The following GLP2R variants were observed in gnomAD, a reference collection of about 807,000 sequenced individuals.
GLP2R encodes glucagon-like peptide 2 receptor.
Under a neutral mutation model 68.2 loss-of-function variants are expected in GLP2R, and 59 were observed. The observed-to-expected ratio is 0.87, with a 90% CI of 0.70 to 1.07. GLP2R has a LOEUF of 1.07. Ranked by LOEUF, GLP2R falls within the 50% of genes least tolerant of loss-of-function variation. GLP2R has a pLI of 0.00. For missense variants in GLP2R, 548 were observed against 677.4 expected, an observed-to-expected ratio of 0.81 and a Z score of 2.12; for synonymous variants, 270 against 265.4, an observed-to-expected ratio of 1.02 and a Z score of -0.17.
intron 11 of GLP2R, among the ~76,000 whole-genome samples, chr17:9,882,659 C>A (rs1434916193): frequency 1.3e-5 from 2 of 152,184 alleles, no homozygotes; most frequent in Admixed American, 1.3e-4. Context: ...GTATGGAAGT[C>A]TTATGGGCTT....
At chr17:9,856,955 C>G (rs1169738304) in intron 5 of GLP2R, among the ~76,000 whole-genome samples, 6 of 151,792 alleles carry the variant, frequency 4.0e-5, no homozygotes, top group African/African-American at 1.5e-4. Flanking sequence ...TGAAGTCTCG[C>G]TCTGTTGCCA....
In GLP2R at chr17:9,890,035, A is replaced by C; in HGVS notation, c.*330A>C. On this transcript the variant is annotated 3_prime_UTR_variant, in exon 13 of 13. Coordinates refer to ENST00000262441, the MANE Select transcript of GLP2R (RefSeq NM_004246.3). ...GTCTCCTGTTATAGAGAAGCCAGCCAATATCTCTTCCTTTATCCCTTGGGG... is the reference window on the plus strand; with the variant it reads ...GTCTCCTGTTATAGAGAAGCCAGCCCATATCTCTTCCTTTATCCCTTGGGG... 2.1e-6 allele frequency: 1 copy of C among 478,618 alleles called. No individual in the cohort carries two copies. Among genetic ancestry groups the C allele is most frequent in the South Asian group, 1.5e-5 (1 of 64,726 alleles). The allele number at this position is 478,618 out of a possible 1,614,324, so 29.6% of individuals were successfully genotyped here. A position where few individuals can be genotyped will look rare whatever the true frequency, so the allele number is the denominator to read the frequency against.
At chr17:9,877,730 A>G (rs1327278321) in intron 10 of GLP2R, among the ~76,000 whole-genome samples, 4 of 152,120 alleles carry the variant, frequency 2.6e-5, no homozygotes, top group Admixed American at 6.5e-5. Flanking sequence ...ACAAAAAATT[A>G]GCTGGGCACA....
At chr17:9,836,259 T>TTACA (rs2066729806) in intron 2 of GLP2R, 112 bp from the exon 3 acceptor site, 1 of 736,168 alleles carries the variant, frequency 1.4e-6, no homozygotes, top group African/African-American at 1.7e-5. Context: ...TCTGCACAGG[T>TTACA]TACACCAGCT....
Position 9,862,024 on chromosome 17 carries a change from C to T in GLP2R, c.990C>T (p.Cys330=). 6.2e-7 allele frequency: 1 copy of T among 1,610,858 alleles called. No homozygotes were observed. Among genetic ancestry groups the T allele is most frequent in the African/African-American group, 1.3e-5 (1 of 74,970 alleles). The change falls in exon 9 of 13, where the codon TGC becomes TGT. Residue 330 remains cysteine, a synonymous_variant. Coordinates refer to ENST00000262441, the MANE Select transcript of GLP2R (RefSeq NM_004246.3). ...FARAHLENTG[C]WTTNGNKKIW... ...CTGCTTCTACTGTTGACCTTAGGTGCTGGACAACAAATGGGAATAAGAAAA... is the reference window on the plus strand; with the variant it reads ...CTGCTTCTACTGTTGACCTTAGGTGTTGGACAACAAATGGGAATAAGAAAA...
At chr17:9,832,338 G>A (rs1006650464) in intron 1 of GLP2R, among the ~76,000 whole-genome samples, 4 of 152,134 alleles carry the variant, frequency 2.6e-5, no homozygotes, top group Admixed American at 2.0e-4. Context: ...ACTTTGGGAG[G>A]CTGAGGAGGG....
intron 4 of GLP2R, among the ~76,000 whole-genome samples, chr17:9,850,132 G>A (rs937674647): frequency 1.3e-5 from 2 of 152,062 alleles, no homozygotes; most frequent in South Asian, 2.1e-4. Flanking sequence ...CGTTGGGTGC[G>A]TATCACATAT....
intron 11 of GLP2R, among the ~76,000 whole-genome samples, chr17:9,880,879 C>T (rs2067188970): frequency 6.6e-6 from 1 of 152,118 alleles, no homozygotes; most frequent in African/African-American, 2.4e-5. Flanking sequence ...CTTCAGGTGA[C>T]ATGTACACAG....
intron 1 of GLP2R, among the ~76,000 whole-genome samples, chr17:9,828,746 T>C (rs1597373405): frequency 6.6e-6 from 1 of 152,180 alleles, no homozygotes. Context: ...TGAATATTTA[T>C]GTTACAACAG....
chr17:9,829,075 G>T (rs1008538203), intron 1 of GLP2R, among the ~76,000 whole-genome samples: 14 of 152,140 alleles, frequency 9.2e-5, no homozygotes, highest in African/African-American at 3.4e-4. Context: ...AATGACTGTG[G>T]TGTGTGTTCT....
At chr17:9,849,913 T>C (rs1423442520) in intron 4 of GLP2R, among the ~76,000 whole-genome samples, 1 of 152,180 alleles carries the variant, frequency 6.6e-6, no homozygotes, top group Non-Finnish European at 1.5e-5. Flanking sequence ...GCGCCCAGCC[T>C]ATTTCCAATA....
intron 4 of GLP2R, among the ~76,000 whole-genome samples, chr17:9,848,867 T>TTGTGTGTG (rs144324194): frequency 0.074 from 10,254 of 139,214 alleles, 424 homozygotes; most frequent in East Asian, 0.2. Context: ...TTAAAGGAGA[T>TTGTGTGTG]TGTGTGTGTG....
chr17:9,858,104 G>A (rs1421023126), intron 6 of GLP2R, among the ~76,000 whole-genome samples: 1 of 152,186 alleles, frequency 6.6e-6, no homozygotes, highest in Non-Finnish European at 1.5e-5. Flanking sequence ...ATGTGCATAG[G>A]TTATAGGCAA....
intron 10 of GLP2R, among the ~76,000 whole-genome samples, chr17:9,873,555 A>ATTTTTTTT (rs1359984269): frequency 6.7e-5 from 2 of 30,012 alleles, no homozygotes; most frequent in African/African-American, 4.5e-4. Context: ...CTATGCATGG[A>ATTTTTTTT]CTTTTTTTTT....
chr17:9,880,618 T>C (rs2067186652), intron 11 of GLP2R, 102 bp downstream of exon 11: 3 of 766,838 alleles, frequency 3.9e-6, no homozygotes, highest in Non-Finnish European at 6.2e-6. Context: ...GAAAATAGAA[T>C]TGTAGCATCA....
chr17:9,838,431 A>G (rs1015461640), intron 3 of GLP2R, among the ~76,000 whole-genome samples: 4 of 152,112 alleles, frequency 2.6e-5, no homozygotes, highest in Admixed American at 2.0e-4. Context: ...GATTCCTTCA[A>G]GTCTAGAGGC....
At chr17:9,835,240 G>T (rs1472854935) in intron 2 of GLP2R, among the ~76,000 whole-genome samples, 1 of 152,004 alleles carries the variant, frequency 6.6e-6, no homozygotes, top group African/African-American at 2.4e-5. Flanking sequence ...TGTTGGCCAG[G>T]ATGGTCTCGA....
At chr17:9,837,756 C>T (rs1442518533) in intron 3 of GLP2R, among the ~76,000 whole-genome samples, 1 of 152,094 alleles carries the variant, frequency 6.6e-6, no homozygotes, top group African/African-American at 2.4e-5. Context: ...TGGTTAGATT[C>T]CTGTTGCCTT....
At chr17:9,846,117 C>T (rs906657011) in intron 4 of GLP2R, among the ~76,000 whole-genome samples, 34 of 152,222 alleles carry the variant, frequency 2.2e-4, no homozygotes, top group Middle Eastern at 3.4e-3. Flanking sequence ...ATACTGTTTT[C>T]ATCACGGTTT....
Sources: gnomAD v4.1 joint callset for allele counts (sites outside exome capture counted in the v4.1 genomes callset) on GRCh38, gnomAD v4.1.1 for gene constraint, MANE v1.5 for transcripts, NCBI Gene and HGNC (gene_info 2026-07-23, HGNC 2026-07-21) for gene names.